Variants in ZNF445 observed in about 807,000 individuals in gnomAD.
ZNF445 encodes zinc finger protein 168.
ZNF445 carries 19 observed loss-of-function variants against 93.9 expected under a neutral mutation model. The ratio of observed to expected loss-of-function variants is 0.20; its 90% confidence interval spans 0.14 to 0.30. The LOEUF (loss-of-function observed/expected upper bound fraction) is 0.30. Among genes scored for constraint, ZNF445 ranks in the 10% least tolerant of loss-of-function variants. The probability of loss-of-function intolerance (pLI) is 1.00; values close to 1 mark genes in which losing one functional copy is unlikely to be tolerated. For synonymous variants in ZNF445, 449 were observed against 446.3 expected (o/e 1.01, Z -0.08); for missense variants, 1,058 against 1,259.4 (o/e 0.84, Z 2.42).
intron 1 of ZNF445, among the ~76,000 whole-genome samples, chr3:44,476,506 G>A (rs1050816690): frequency 1.3e-5 from 2 of 151,976 alleles, no homozygotes; most frequent in Admixed American, 6.6e-5. Context: ...ACACATGGAG[G>A]CTCTCTGAAA....
rs139105746 is a variant in ZNF445 at position 44,446,954 on chromosome 3, A to G, written c.2717T>C (p.Ile906Thr). Reference sequence around the variant, plus strand: ...GTGACTGGAAAGGGTATGTCTCCCAATGAACTCTTTCCCACACCACTGACA... The same window carrying G: ...GTGACTGGAAAGGGTATGTCTCCCAGTGAACTCTTTCCCACACCACTGACA... ...FKCQWCGKEF[I>T]GRHTLSSHQR... is the part of the protein sequence containing the mutation. The change falls in exon 8 of 8, where the codon ATT (isoleucine) becomes ACT (threonine). Residue 906 changes from isoleucine to threonine, a missense_variant. Physicochemically the swap from Ile to Thr is moderately conservative, Grantham distance 89. Coordinates refer to ENST00000396077, the MANE Select transcript of ZNF445 (RefSeq NM_181489.6). The surrounding 1 kb of genome is among the most constrained non-coding windows in gnomAD (Gnocchi z 4.2). 2.5e-4 allele frequency: 409 copies of G among 1,614,124 alleles called. 1 individual carries two copies. The highest frequency in any genetic ancestry group is 2.7e-4 in the Non-Finnish European group (314 of 1,180,006).
Position 44,465,065 on chromosome 3 carries a change from T to TAA in ZNF445, c.-268-6703_-268-6702dup, listed in dbSNP as rs34412481. On this transcript the variant is annotated intron_variant, in intron 1 of 7. Transcript: ENST00000396077. ...CTGGGCGACAGAGTGAGACTCCGCCTAAAAAAAAAAAAAAAAAAAAAAATC... is the reference window on the plus strand; with the variant it reads ...CTGGGCGACAGAGTGAGACTCCGCCTAAAAAAAAAAAAAAAAAAAAAAAAATC... 7.9e-3 allele frequency among the ~76,000 whole-genome samples: 898 copies of TAA among 113,322 alleles called. 11 individuals are homozygous for TAA. The highest frequency in any genetic ancestry group is 0.029 in the African/African-American group (858 of 29,904). 74.3% of individuals were successfully genotyped at this position (113,322 alleles called of 152,430 possible).
intron 1 of ZNF445, among the ~76,000 whole-genome samples, chr3:44,465,521 T>C (rs561518789): frequency 6.6e-6 from 1 of 152,366 alleles, no homozygotes; most frequent in South Asian, 2.1e-4. Flanking sequence ...ACTGATCTGC[T>C]GTTTGATGGA....
chr3:44,467,940 T>C (rs565645644), intron 1 of ZNF445, among the ~76,000 whole-genome samples: 44 of 152,348 alleles, frequency 2.9e-4, no homozygotes, highest in African/African-American at 9.6e-4. Flanking sequence ...TTTCAAATCT[T>C]TGCTTTTAAA....
chr3:44,457,613 G>A (rs1698048444), intron 2 of ZNF445, among the ~76,000 whole-genome samples: 2 of 152,160 alleles, frequency 1.3e-5, no homozygotes, highest in Admixed American at 1.3e-4. Flanking sequence ...AGGAAGGGTA[G>A]TCTTCTCACC....
Position 44,448,006 on chromosome 3 carries a change from G to A in ZNF445, c.1665C>T (p.Ala555=). 1 of 1,611,340 alleles carries A rather than the reference G, an allele frequency of 6.2e-7. No individual in the cohort carries two copies. The highest frequency in any genetic ancestry group is 8.5e-7 in the Non-Finnish European group (1 of 1,179,966). ...CATGGGTTTCTCGGTGCAGACGGTA[G>A]GCTGACAGGCGTCGGAAAGCTTTCT... ...LCEKAFRRLS[A]YRLHRETHAK... is the part of the protein sequence containing the mutation. The change falls in exon 8 of 8, where the codon GCC becomes GCT. Residue 555 remains alanine (A), a synonymous_variant. Coordinates refer to ENST00000396077, the MANE Select transcript of ZNF445 (RefSeq NM_181489.6).
At chr3:44,462,691 A>G (rs2125683104) in intron 1 of ZNF445, among the ~76,000 whole-genome samples, 1 of 152,270 alleles carries the variant, frequency 6.6e-6, no homozygotes. Flanking sequence ...AAGAAAAAAA[A>G]AAGAAACTGC....
intron 1 of ZNF445, among the ~76,000 whole-genome samples, chr3:44,463,441 G>GAAAC (rs1461896680): frequency 2.0e-5 from 3 of 152,120 alleles, no homozygotes; most frequent in African/African-American, 7.2e-5. Flanking sequence ...CGTTTTGGGG[G>GAAAC]AAACAAACAA....
At chr3:44,451,008 C>T in intron 4 of ZNF445, 46 bp from the exon 5 acceptor site, 1 of 1,455,450 alleles carries the variant, frequency 6.9e-7, no homozygotes, top group Non-Finnish European at 9.2e-7. Flanking sequence ...TCTGGACAGC[C>T]CAGTGAGAAG....
At chr3:44,464,487 A>G (rs1698165016) in intron 1 of ZNF445, among the ~76,000 whole-genome samples, 1 of 152,238 alleles carries the variant, frequency 6.6e-6, no homozygotes, top group African/African-American at 2.4e-5. Context: ...TTTGTCAGAA[A>G]AATAGAAACT....
intron 1 of ZNF445, among the ~76,000 whole-genome samples, chr3:44,475,539 CG>C (rs1385838781): frequency 6.6e-6 from 1 of 152,052 alleles, no homozygotes; most frequent in African/African-American, 2.4e-5. Flanking sequence ...TCTTAAAAAT[CG>C]AGGACATTTA....
At chr3:44,450,731 G>C (rs1697945319) in intron 5 of ZNF445, 137 bp downstream of exon 5, 1 of 1,273,894 alleles carries the variant, frequency 7.8e-7, no homozygotes, top group Non-Finnish European at 1.1e-6. Flanking sequence ...GGGCTTGAGG[G>C]GGATAATCTG....
At position 44,446,573 on chromosome 3, in the gene ZNF445, G is replaced by C. The variant is rs138715008; in HGVS notation, c.*2C>G. Reference sequence around the variant, plus strand: ...CCCCCACTGTCACTGTCAGGTCCCAGGCTAATCTCTAATATGGTTTTTCAT... The same window carrying C: ...CCCCCACTGTCACTGTCAGGTCCCACGCTAATCTCTAATATGGTTTTTCAT... On this transcript the variant is annotated 3_prime_UTR_variant, in exon 8 of 8. Coordinates refer to ENST00000396077, the MANE Select transcript of ZNF445 (RefSeq NM_181489.6). The surrounding 1 kb of genome is among the most constrained non-coding windows in gnomAD (Gnocchi z 4.2). 2.0e-4 allele frequency: 330 copies of C among 1,614,142 alleles called. No individual in the cohort carries two copies. The highest frequency in any genetic ancestry group is 8.3e-4 in the Middle Eastern group (5 of 6,028).
chr3:44,465,300 C>G (rs528051186), intron 1 of ZNF445, among the ~76,000 whole-genome samples: 2 of 151,916 alleles, frequency 1.3e-5, no homozygotes, highest in Non-Finnish European at 2.9e-5. Flanking sequence ...ATTGTCTTAA[C>G]CTAAAAGAGG....
chr3:44,475,254 G>C (rs1008393638), intron 1 of ZNF445, among the ~76,000 whole-genome samples: 1 of 151,914 alleles, frequency 6.6e-6, no homozygotes, highest in Non-Finnish European at 1.5e-5. Context: ...GCTGGAGTAC[G>C]ATGGCGTGAC....
In ZNF445 at chr3:44,444,878, C is replaced by T. The variant is rs1451589423; in HGVS notation, c.*1697G>A. On this transcript the variant is annotated 3_prime_UTR_variant, in exon 8 of 8. Transcript: ENST00000396077. Reference sequence around the variant, plus strand: ...CATGAACGGGCCCCTATAGTCAGGACACTGCTCTACTATTAAAACATTTTA... The same window carrying T: ...CATGAACGGGCCCCTATAGTCAGGATACTGCTCTACTATTAAAACATTTTA... The T allele has an allele frequency of 6.6e-6, 1 of 152,244 alleles. No homozygotes were observed. Among genetic ancestry groups the T allele is most frequent in the Non-Finnish European group, 1.5e-5 (1 of 68,042 alleles). The allele number at this position is 152,244 out of a possible 1,614,324, so 9.4% of individuals were successfully genotyped here. A position where few individuals can be genotyped will look rare whatever the true frequency, so the allele number is the denominator to read the frequency against.
At chr3:44,466,175 C>CT (rs1418234069) in intron 1 of ZNF445, among the ~76,000 whole-genome samples, 4 of 151,946 alleles carry the variant, frequency 2.6e-5, no homozygotes, top group Non-Finnish European at 5.9e-5. Flanking sequence ...AAAGGTTTTT[C>CT]TTTTTTAAAA....
intron 1 of ZNF445, among the ~76,000 whole-genome samples, chr3:44,473,774 A>G (rs937737585): frequency 6.6e-6 from 1 of 151,918 alleles, no homozygotes; most frequent in African/African-American, 2.4e-5. Context: ...ACAGCTCCCA[A>G]TAGTCAAAGA....
Position 44,446,934 on chromosome 3 carries a change from T to C in ZNF445, c.2737A>G (p.Ser913Gly), listed in dbSNP as rs1253380976. The change falls in exon 8 of 8, where the codon AGT becomes GGT. Residue 913 changes from serine to glycine, a missense_variant. Around this residue, in one of 3 missense-constraint regions of ZNF445, gnomAD observed 387 missense variants for 475.7 expected, o/e 0.81. Coordinates refer to ENST00000396077, the MANE Select transcript of ZNF445 (RefSeq NM_181489.6). This position sits in a 1 kb window ranked among gnomAD's most constrained non-coding sequence, Gnocchi z 4.2. Reference protein sequence around the residue: ...KEFIGRHTLSSHQRKHTRAAQ... With the variant: ...KEFIGRHTLSGHQRKHTRAAQ... ...GCTCTGGTGTGTTTCCTCTGGTGAC[T>C]GGAAAGGGTATGTCTCCCAATGAAC... 6.2e-7 allele frequency: 1 copy of C among 1,614,138 alleles called. No individual in the cohort carries two copies. Among genetic ancestry groups the C allele is most frequent in the Non-Finnish European group, 8.5e-7 (1 of 1,180,030 alleles).
Sources: allele counts gnomAD v4.1 joint callset (sites outside exome capture counted in the v4.1 genomes callset), GRCh38; gene constraint gnomAD v4.1.1; regional missense constraint gnomAD v4.1.1; non-coding constraint Gnocchi (gnomAD v3.1); transcripts MANE v1.5; gene names NCBI Gene and HGNC (gene_info 2026-07-23, HGNC 2026-07-21).